The following PECR variants were observed in gnomAD, a reference collection of about 807,000 sequenced individuals.
PECR encodes peroxisomal trans-2-enoyl-CoA reductase, also known as 2,4-dienoyl-CoA reductase-related protein.
PECR carries 30 observed loss-of-function variants against 35.3 expected under a neutral mutation model. The observed-to-expected ratio is 0.85, with a 90% confidence interval of 0.64 to 1.15. The LOEUF (loss-of-function observed/expected upper bound fraction) is 1.15. PECR is among the 50% of genes most tolerant of loss of function. PECR has a pLI of 0.00. For synonymous variants in PECR, 148 were observed against 138.9 expected (o/e 1.07, Z -0.46); for missense variants, 392 against 370.8 (o/e 1.06, Z -0.47).
At chr2:216,079,279 A>G (rs1695776998) in intron 1 of PECR, among the ~76,000 whole-genome samples, 1 of 152,030 alleles carries the variant, frequency 6.6e-6, no homozygotes, top group South Asian at 2.1e-4. Flanking sequence ...AAAGACGAAG[A>G]CAATTTTAAT....
chr2:216,055,647 A>T (rs1695211301), intron 4 of PECR, among the ~76,000 whole-genome samples: 1 of 152,060 alleles, frequency 6.6e-6, no homozygotes, highest in Admixed American at 6.5e-5. Flanking sequence ...AAGAGTAAAA[A>T]GATCCTCCAA....
chr2:216,069,800 G>T (rs1695550642), intron 1 of PECR, among the ~76,000 whole-genome samples: 1 of 152,058 alleles, frequency 6.6e-6, no homozygotes, highest in African/African-American at 2.4e-5. Context: ...GCCAGGTGTG[G>T]TGGTGGGCGC....
intron 4 of PECR, among the ~76,000 whole-genome samples, chr2:216,056,802 T>G (rs1695235661): frequency 6.6e-6 from 1 of 152,000 alleles, no homozygotes; most frequent in Admixed American, 6.6e-5. Context: ...TCACGAATTT[T>G]GTTTTGCCTA....
intron 7 of PECR, among the ~76,000 whole-genome samples, chr2:216,033,385 A>C (rs1694741152): frequency 1.3e-5 from 2 of 152,164 alleles, no homozygotes. Flanking sequence ...CCTTCACAAG[A>C]GCGAGTAAGT....
Position 216,058,981 on chromosome 2 carries a change from A to T in PECR, c.425-5T>A. 6.4e-7 allele frequency: 1 copy of T among 1,574,014 alleles called. No individual in the cohort carries two copies. The highest frequency in any genetic ancestry group is 8.7e-7 in the Non-Finnish European group (1 of 1,144,064). On this transcript the variant is annotated splice_region_variant and splice_polypyrimidine_tract_variant and intron_variant, in intron 3 of 7. Transcript: ENST00000265322. ...CTTTCATCCAGGAGCTGTAAACTGC[A>T]GGATAGAGGCAAACTCAATCATTAA...
chr2:216,044,901 C>T (rs1473410564), intron 6 of PECR, among the ~76,000 whole-genome samples: 2 of 152,134 alleles, frequency 1.3e-5, no homozygotes, highest in Admixed American at 6.6e-5. Flanking sequence ...AAAACACCTG[C>T]ATTAGAATCA....
chr2:216,056,784 T>C (rs1347072028), intron 4 of PECR, among the ~76,000 whole-genome samples: 1 of 149,424 alleles, frequency 6.7e-6, no homozygotes, highest in Non-Finnish European at 1.5e-5. Context: ...ATAGTAAGAA[T>C]GTTTGCTTCA....
chr2:216,029,921 C>T (rs1042433681), intron 7 of PECR, among the ~76,000 whole-genome samples: 1 of 152,154 alleles, frequency 6.6e-6, no homozygotes, highest in African/African-American at 2.4e-5. Flanking sequence ...ATGGCTGAGT[C>T]GTATCTCTTA....
intron 4 of PECR, among the ~76,000 whole-genome samples, chr2:216,056,825 C>T (rs576426369): frequency 2.1e-4 from 32 of 151,092 alleles, no homozygotes; most frequent in Non-Finnish European, 3.8e-4. Flanking sequence ...GACACATATA[C>T]ACATATGTGT....
rs774604887 is a variant in PECR at position 216,051,469 on chromosome 2, G to C, written c.583C>G (p.Arg195Gly). 7 of 1,605,616 alleles carry C rather than the reference G, an allele frequency of 4.4e-6. No individual in the cohort carries two copies. Among genetic ancestry groups the C allele is most frequent in the Non-Finnish European group, 6.0e-6 (7 of 1,172,252 alleles). ...LALEWACSGI[R>G]INCVAPGVIY... Reference sequence around the variant, plus strand: ...CCTACAGGGGCAACACAATTGATCCGTATTCCACTGCAGGCCCATTCCAAA... The same window carrying C: ...CCTACAGGGGCAACACAATTGATCCCTATTCCACTGCAGGCCCATTCCAAA... The change falls in exon 5 of 8, where the codon CGG becomes GGG. Residue 195 changes from arginine to glycine, a missense_variant. By Grantham distance (125) the Arg-to-Gly change is moderately radical (BLOSUM62 -2). Transcript: ENST00000265322.
At chr2:216,046,816 C>T (rs563272737) in intron 6 of PECR, among the ~76,000 whole-genome samples, 1 of 152,068 alleles carries the variant, frequency 6.6e-6, no homozygotes, top group South Asian at 2.1e-4. Context: ...ATCCCCTCAC[C>T]CAAGAGTACA....
At chr2:216,076,902 CTT>C (rs766073483) in intron 1 of PECR, among the ~76,000 whole-genome samples, 25 of 137,946 alleles carry the variant, frequency 1.8e-4, no homozygotes, top group African/African-American at 1.3e-4. Context: ...TCCAATTTTA[CTT>C]TTTTTTTTTT....
chr2:216,064,176 C>G (rs946741348), intron 3 of PECR: 1 of 152,186 alleles, frequency 6.6e-6, no homozygotes, highest in African/African-American at 2.4e-5. Flanking sequence ...CACAGAGTTA[C>G]AAAGCTTGGG....
downstream of PECR, among the ~76,000 whole-genome samples, chr2:216,035,134 G>T (rs1694772631): frequency 6.6e-6 from 1 of 152,184 alleles, no homozygotes; most frequent in Admixed American, 6.5e-5. Context: ...AATGGATCTG[G>T]GTCCTCTAAG....
chr2:216,068,805 T>G (rs1255161306), intron 1 of PECR, among the ~76,000 whole-genome samples: 1 of 10,964 alleles, frequency 9.1e-5, no homozygotes, highest in African/African-American at 2.6e-4. Context: ...ATCTGGCCAA[T>G]TTTTTTTTTT....
At chr2:216,054,449 C>T (rs1476754835) in intron 4 of PECR, among the ~76,000 whole-genome samples, 2 of 146,164 alleles carry the variant, frequency 1.4e-5, no homozygotes, top group African/African-American at 5.0e-5. Context: ...GATTCTCATA[C>T]CTCAGCCCCC....
downstream of PECR, among the ~76,000 whole-genome samples, chr2:216,036,193 T>C (rs1024490178): frequency 6.6e-6 from 1 of 152,172 alleles, no homozygotes; most frequent in African/African-American, 2.4e-5. Flanking sequence ...GCACCATCCA[T>C]AGGCAGCCAG....
At chr2:216,046,993 C>T (rs1020357038) in intron 6 of PECR, among the ~76,000 whole-genome samples, 3 of 152,092 alleles carry the variant, frequency 2.0e-5, no homozygotes, top group Non-Finnish European at 4.4e-5. Flanking sequence ...ATAGGCCAGG[C>T]GTGGTAGTTC....
chr2:216,051,353 C>A, intron 5 of PECR, 96 bp downstream of exon 5: 1 of 760,626 alleles, frequency 1.3e-6, no homozygotes, highest in Non-Finnish European at 2.4e-6. Flanking sequence ...ATCTTTTATG[C>A]TATACTTGCT....
Sources: allele counts gnomAD v4.1 joint callset (sites outside exome capture counted in the v4.1 genomes callset), GRCh38; gene constraint gnomAD v4.1.1; transcripts MANE v1.5; gene names NCBI Gene and HGNC (gene_info 2026-07-23, HGNC 2026-07-21).